The following ARRB1 variants were observed in gnomAD, a reference collection of about 807,000 sequenced individuals.
The protein encoded by ARRB1 is arrestin beta 1, also known as beta-arrestin-1.
In ARRB1, 21 loss-of-function variants were observed where a neutral mutation model predicts 56.8. The observed-to-expected ratio is 0.37, with a 90% confidence interval of 0.26 to 0.53. ARRB1 has a LOEUF of 0.53. Among genes scored for constraint, ARRB1 ranks in the 20% least tolerant of loss-of-function variants. The pLI is 0.88. For missense variants in ARRB1, 424 were observed against 553.7 expected (o/e 0.77, Z 2.35); for synonymous variants, 210 against 218.6 (o/e 0.96, Z 0.35).
In ARRB1 at chr11:75,260,902, G is replaced by T. The variant is rs565810501; in HGVS notation, c.*5261C>A. On this transcript the variant is annotated 3_prime_UTR_variant, in exon 16 of 16. Transcript: ENST00000420843. ...GAGCCAAGATTTCCATCCATCCGGC[G>T]CTGTGTAAAGATGAATTTAACCCTA... The T allele has an allele frequency of 6.6e-6, 1 of 152,248 alleles. No homozygotes were observed. Among genetic ancestry groups the T allele is most frequent in the Admixed American group, 6.5e-5 (1 of 15,306 alleles). The allele number at this position is 152,248 out of a possible 1,614,324, so 9.4% of individuals were successfully genotyped here.
Position 75,263,647 on chromosome 11 carries a change from C to T in ARRB1, c.*2516G>A. ...TGGGACTGACCCATCTCTGTGGCTC[C>T]AGTACTTGGCATAGAGCTGAGTCAT... On this transcript the variant is annotated 3_prime_UTR_variant, in exon 16 of 16. Coordinates refer to ENST00000420843, the MANE Select transcript of ARRB1 (RefSeq NM_004041.5). 6.6e-6 allele frequency among the ~76,000 whole-genome samples: 1 copy of T among 151,942 alleles called. No individual in the cohort carries two copies.
chr11:75,287,503 A>G (rs1040651426), intron 2 of ARRB1, 128 bp from the exon 3 acceptor site: 2 of 899,922 alleles, frequency 2.2e-6, no homozygotes, highest in African/African-American at 3.4e-5. Context: ...TCAAAATCCT[A>G]AGTGGACTTG....
intron 1 of ARRB1, among the ~76,000 whole-genome samples, chr11:75,347,696 C>T (rs1385291347): frequency 1.3e-5 from 2 of 152,114 alleles, no homozygotes; most frequent in East Asian, 1.9e-4. Context: ...TGGCAGTGAA[C>T]AAATACTTAA....
At chr11:75,266,979 C>T (rs557381382) in intron 15 of ARRB1, among the ~76,000 whole-genome samples, 3 of 152,302 alleles carry the variant, frequency 2.0e-5, no homozygotes, top group Non-Finnish European at 2.9e-5. Context: ...TACCATGAAA[C>T]ATGTCCATTT....
At chr11:75,335,220 T>C in intron 1 of ARRB1, 2 of 194,450 alleles carry the variant, frequency 1.0e-5, no homozygotes, top group Admixed American at 6.0e-5. Context: ...TTGATGGGAG[T>C]CCCGCTGCTA....
At chr11:75,299,802 T>C (rs1040867549) in intron 1 of ARRB1, among the ~76,000 whole-genome samples, 4 of 152,218 alleles carry the variant, frequency 2.6e-5, no homozygotes, top group African/African-American at 4.8e-5. Context: ...TTCTGGGGCA[T>C]AGCATGGTAC....
At chr11:75,340,655 C>T (rs1415932771) in intron 1 of ARRB1, among the ~76,000 whole-genome samples, 2 of 152,226 alleles carry the variant, frequency 1.3e-5, no homozygotes, top group African/African-American at 4.8e-5. Context: ...AAGCAGGCAC[C>T]TCCTACTTGG....
At chr11:75,341,297 C>G (rs192399104) in intron 1 of ARRB1, among the ~76,000 whole-genome samples, 20 of 152,168 alleles carry the variant, frequency 1.3e-4, no homozygotes, top group Admixed American at 3.9e-4. Flanking sequence ...GCCACCACAC[C>G]TGGCTAATTT....
intron 1 of ARRB1, among the ~76,000 whole-genome samples, chr11:75,350,339 A>G (rs1685453207): frequency 6.6e-6 from 1 of 152,196 alleles, no homozygotes; most frequent in Admixed American, 6.5e-5. Flanking sequence ...GCAAGAGCTT[A>G]ATAATAAATG....
chr11:75,299,714 T>C (rs947087520), intron 1 of ARRB1, among the ~76,000 whole-genome samples: 3 of 152,210 alleles, frequency 2.0e-5, no homozygotes, highest in African/African-American at 7.2e-5. Flanking sequence ...TACTTTGTAA[T>C]GGTCTGATAA....
chr11:75,312,034 C>T, intron 1 of ARRB1: 1 of 1,289,178 alleles, frequency 7.8e-7, no homozygotes, highest in Non-Finnish European at 1.0e-6. Flanking sequence ...CCTGCCCAGC[C>T]TCTTCCCCTC....
chr11:75,278,806 C>T (rs568141722), intron 7 of ARRB1, 62 bp from the exon 8 acceptor site: 1,624 of 1,545,544 alleles, frequency 1.1e-3, no homozygotes, highest in Non-Finnish European at 1.4e-3. Flanking sequence ...CCTCTCCTTG[C>T]GAGCCTCACA....
chr11:75,288,056 T>C (rs1946523990), intron 2 of ARRB1, among the ~76,000 whole-genome samples: 2 of 152,204 alleles, frequency 1.3e-5, no homozygotes, highest in Admixed American at 6.5e-5. Flanking sequence ...AGAGATGGGG[T>C]TTCACCATGT....
intron 1 of ARRB1, among the ~76,000 whole-genome samples, chr11:75,297,864 CAAAAA>C (rs34831668): frequency 0.035 from 1,033 of 29,216 alleles, 5 homozygotes; most frequent in Non-Finnish European, 0.045. Context: ...GACTTTGTCT[CAAAAA>C]AAAAAAAAAA....
intron 1 of ARRB1, among the ~76,000 whole-genome samples, chr11:75,343,874 G>A (rs949017515): frequency 2.6e-5 from 4 of 151,918 alleles, no homozygotes; most frequent in Admixed American, 2.6e-4. Context: ...GGAGTGCAGT[G>A]GCGTGATCTC....
chr11:75,286,940 G>A (rs1009146358), intron 3 of ARRB1, among the ~76,000 whole-genome samples: 10 of 152,096 alleles, frequency 6.6e-5, no homozygotes, highest in Non-Finnish European at 1.0e-4. Flanking sequence ...TCTATGACCT[G>A]GAGTAAGTCA....
intron 3 of ARRB1, among the ~76,000 whole-genome samples, chr11:75,285,628 A>G (rs949671502): frequency 3.3e-5 from 5 of 152,066 alleles, no homozygotes; most frequent in East Asian, 1.9e-4. Flanking sequence ...CAGCGTCACT[A>G]TGGGAGAAGA....
intron 2 of ARRB1, among the ~76,000 whole-genome samples, chr11:75,288,935 T>C (rs1211346765): frequency 3.9e-5 from 6 of 152,176 alleles, no homozygotes; most frequent in Admixed American, 3.3e-4. Flanking sequence ...CTGAAACCCA[T>C]TAATGGTTCC....
chr11:75,317,614 A>T (rs965724320), intron 1 of ARRB1, among the ~76,000 whole-genome samples: 1 of 152,026 alleles, frequency 6.6e-6, no homozygotes. Context: ...CCTGCTCCAG[A>T]CCATAAGCCC....
Sources: gnomAD v4.1 joint callset for allele counts (sites outside exome capture counted in the v4.1 genomes callset) on GRCh38, gnomAD v4.1.1 for gene constraint, MANE v1.5 for transcripts, NCBI Gene and HGNC (gene_info 2026-07-23, HGNC 2026-07-21) for gene names.